Variants in NBAS observed in about 807,000 individuals in gnomAD.
NBAS encodes NBAS subunit of NRZ tethering complex.
Under a neutral mutation model 302.5 loss-of-function variants are expected in NBAS, and 219 were observed. The ratio of observed to expected loss-of-function variants is 0.72; its 90% CI spans 0.65 to 0.81. The LOEUF (loss-of-function observed/expected upper bound fraction) is 0.81. NBAS is among the 30% of genes least tolerant of loss of function. NBAS has a pLI of 0.00. For missense variants in NBAS, 2,932 were observed against 2,841.6 expected, an observed-to-expected ratio of 1.03 and a Z score of -0.72; for synonymous variants, 1,118 against 1,021.6, an observed-to-expected ratio of 1.09 and a Z score of -1.80.
the NBAS span, among the ~76,000 whole-genome samples, chr2:14,912,855 G>A: frequency 6.6e-6 from 1 of 152,076 alleles, no homozygotes; most frequent in African/African-American, 2.4e-5. Context: ...CTGGTTTGTA[G>A]CTATTTTATT....
At chr2:15,357,754 T>C (rs1249295709) in intron 32 of NBAS, among the ~76,000 whole-genome samples, 1 of 152,180 alleles carries the variant, frequency 6.6e-6, no homozygotes, top group African/African-American at 2.4e-5. Context: ...TCTTACATTA[T>C]TAACTTTACC....
intron 1 of NBAS, 111 bp from the exon 2 acceptor site, chr2:15,558,745 G>A (rs768616795): frequency 3.5e-5 from 30 of 856,772 alleles, no homozygotes; most frequent in Admixed American, 6.0e-5. Context: ...CAGAGTTTTG[G>A]GCACAGGGAA....
At chr2:14,951,411 C>T in the NBAS span, among the ~76,000 whole-genome samples, 3 of 152,162 alleles carry the variant, frequency 2.0e-5, no homozygotes, top group African/African-American at 7.2e-5. Flanking sequence ...AGCAGTGCGT[C>T]TGCTGGATGT....
At chr2:15,480,839 T>C (rs1443558929) in intron 12 of NBAS, among the ~76,000 whole-genome samples, 10 of 152,200 alleles carry the variant, frequency 6.6e-5, no homozygotes, top group Non-Finnish European at 4.4e-5. Context: ...CTTAGCATAA[T>C]GTAAAATTAA....
At chr2:15,029,440 A>G in the NBAS span, among the ~76,000 whole-genome samples, 3 of 152,230 alleles carry the variant, frequency 2.0e-5, no homozygotes, top group Admixed American at 2.0e-4. Context: ...TGTTAGTAAC[A>G]AAAGAAAAGA....
At chr2:14,805,316 G>C in the NBAS span, among the ~76,000 whole-genome samples, 1 of 152,154 alleles carries the variant, frequency 6.6e-6, no homozygotes, top group Non-Finnish European at 1.5e-5. Context: ...AATTGGGAAA[G>C]CAGCATATTG....
At chr2:15,052,866 A>G in the NBAS span, among the ~76,000 whole-genome samples, 1 of 152,218 alleles carries the variant, frequency 6.6e-6, no homozygotes, top group Non-Finnish European at 1.5e-5. Context: ...AGGAATCCTC[A>G]AAGTATGATA....
chr2:14,785,384 C>A, the NBAS span, among the ~76,000 whole-genome samples: 1 of 152,178 alleles, frequency 6.6e-6, no homozygotes, highest in Non-Finnish European at 1.5e-5. Flanking sequence ...GAGAGGGCAT[C>A]CCTGTGTTGT....
chr2:14,930,390 T>A, the NBAS span, among the ~76,000 whole-genome samples: 1 of 152,216 alleles, frequency 6.6e-6, no homozygotes, highest in Non-Finnish European at 1.5e-5. Flanking sequence ...GGATGAGCAA[T>A]GTCTGTTTTG....
At chr2:15,032,039 C>T in the NBAS span, among the ~76,000 whole-genome samples, 5 of 152,274 alleles carry the variant, frequency 3.3e-5, no homozygotes, top group Admixed American at 6.5e-5. Flanking sequence ...AGATCTGAAC[C>T]AGCTGCAGAG....
the NBAS span, among the ~76,000 whole-genome samples, chr2:14,817,221 T>C: frequency 5.3e-5 from 8 of 152,340 alleles, no homozygotes; most frequent in Non-Finnish European, 8.8e-5. Context: ...CTTGTAACTA[T>C]GGAGATTTTT....
At chr2:15,271,709 C>G (rs1388867614) in intron 44 of NBAS, among the ~76,000 whole-genome samples, 3 of 152,188 alleles carry the variant, frequency 2.0e-5, no homozygotes, top group African/African-American at 7.2e-5. Context: ...GTATAAAACA[C>G]AAAGGCTAAG....
At chr2:15,063,781 A>C in the NBAS span, among the ~76,000 whole-genome samples, 123 of 152,338 alleles carry the variant, frequency 8.1e-4, no homozygotes, top group Non-Finnish European at 1.4e-3. Flanking sequence ...CTGAGAGCCA[A>C]GGAGAGAGGT....
chr2:15,465,109 G>A (rs1679667096), intron 19 of NBAS, among the ~76,000 whole-genome samples: 1 of 152,218 alleles, frequency 6.6e-6, no homozygotes, highest in South Asian at 2.1e-4. Context: ...AAAAAAATGT[G>A]TTGGTATTTC....
chr2:15,031,051 A>G, the NBAS span, among the ~76,000 whole-genome samples: 3 of 152,248 alleles, frequency 2.0e-5, no homozygotes, highest in African/African-American at 4.8e-5. Flanking sequence ...CCACTCCATC[A>G]TTTGATTACA....
the NBAS span, among the ~76,000 whole-genome samples, chr2:15,131,747 G>T: frequency 6.6e-6 from 1 of 152,104 alleles, no homozygotes; most frequent in Non-Finnish European, 1.5e-5. Flanking sequence ...AGTTTAATTG[G>T]CTCACAGTTC....
At chr2:14,819,349 T>C in the NBAS span, among the ~76,000 whole-genome samples, 16 of 152,344 alleles carry the variant, frequency 1.1e-4, 1 homozygote, top group African/African-American at 3.4e-4. Context: ...ACAGCTGGCA[T>C]AGCTGCATAA....
the NBAS span, among the ~76,000 whole-genome samples, chr2:14,872,948 T>C: frequency 6.6e-5 from 10 of 152,212 alleles, no homozygotes; most frequent in Non-Finnish European, 1.5e-5. Context: ...GTGGTGAGTG[T>C]TGCAGCTCAT....
rs1343452261 is a variant in NBAS at position 15,255,107 on chromosome 2, T to C, written c.5725-16421A>G. ...CACTAGTGGGTTGCTGGATCAAATG[T>C]TAGTTCTATTTTAGTTCTTTAAGGA... On this transcript the variant is annotated intron_variant, in intron 44 of 51. Coordinates refer to ENST00000281513, the MANE Select transcript of NBAS (RefSeq NM_015909.4). Among the ~76,000 whole-genome samples the C allele has an allele frequency of 3.3e-5, 5 of 152,230 alleles. No homozygotes were observed. The East Asian group carries it at 9.6e-4, about 29-fold the overall frequency.
Sources: gnomAD v4.1 joint callset for allele counts (sites outside exome capture counted in the v4.1 genomes callset) on GRCh38, gnomAD v4.1.1 for gene constraint, MANE v1.5 for transcripts, NCBI Gene and HGNC (gene_info 2026-07-23, HGNC 2026-07-21) for gene names.